The following RYR3 variants were observed in gnomAD, a reference collection of about 807,000 sequenced individuals.
RYR3 encodes brain ryanodine receptor-calcium release channel.
In RYR3, 207 loss-of-function variants were observed where a neutral mutation model predicts 584.3. That is an observed-to-expected ratio of 0.35 (90% confidence interval 0.32 to 0.40). The LOEUF (loss-of-function observed/expected upper bound fraction) is 0.40, where lower values mean the gene tolerates loss of function less well. RYR3 is among the 10% of genes least tolerant of loss of function. The probability of loss-of-function intolerance (pLI) is 1.00; values close to 1 mark genes in which losing one functional copy is unlikely to be tolerated. For missense variants in RYR3, 5,616 were observed against 6,089.2 expected (o/e 0.92, Z 2.59); for synonymous variants, 2,416 against 2,248.5 (o/e 1.07, Z -2.11).
chr15:33,471,594 T>TAAA (rs3084420), intron 1 of RYR3, among the ~76,000 whole-genome samples: 13,782 of 141,928 alleles, frequency 0.097, 1,895 homozygotes, highest in African/African-American at 0.31. Context: ...CATGCCTTTG[T>TAAA]AAAAAAAAAA....
At chr15:33,442,915 T>C (rs16970977) in intron 1 of RYR3, among the ~76,000 whole-genome samples, 36,673 of 152,124 alleles carry the variant, frequency 0.24, 4,578 homozygotes, top group Middle Eastern at 0.33. Context: ...GTCCTGATAA[T>C]GGTGATTTCC....
chr15:33,675,529 G>C (rs528763204), intron 38 of RYR3, among the ~76,000 whole-genome samples: 8 of 152,126 alleles, frequency 5.3e-5, no homozygotes, highest in African/African-American at 1.9e-4. Flanking sequence ...ACAGGGCTCC[G>C]GAGTTAGGCT....
Position 33,773,619 on chromosome 15 carries a change from AT to A in RYR3, c.9137+6del. ...GAAAGAACATTTATGTTGAAAGGTAATTAGTGAACGAAGAGGCTAACACTTT... is the reference window on the plus strand; with the variant it reads ...GAAAGAACATTTATGTTGAAAGGTAATAGTGAACGAAGAGGCTAACACTTT... On this transcript the variant is annotated splice_donor_5th_base_variant and intron_variant, in intron 64 of 103. Coordinates refer to ENST00000634891, the MANE Select transcript of RYR3 (RefSeq NM_001036.6). 1 of 1,580,450 alleles carries A rather than the reference AT, an allele frequency of 6.3e-7. No individual in the cohort carries two copies.
intron 12 of RYR3, among the ~76,000 whole-genome samples, chr15:33,571,006 T>C (rs1279012440): frequency 1.3e-5 from 2 of 152,186 alleles, no homozygotes; most frequent in East Asian, 3.8e-4. Flanking sequence ...GATTATGTCA[T>C]CTGTGAATAA....
intron 1 of RYR3, among the ~76,000 whole-genome samples, chr15:33,312,296 G>A (rs1967438565): frequency 6.6e-6 from 1 of 152,044 alleles, no homozygotes; most frequent in South Asian, 2.1e-4. Context: ...CTCTCCTCCT[G>A]TTGAAGCGCT....
At chr15:33,611,841 T>C (rs1195120776) in intron 18 of RYR3, among the ~76,000 whole-genome samples, 1 of 151,996 alleles carries the variant, frequency 6.6e-6, no homozygotes, top group African/African-American at 2.4e-5. Flanking sequence ...GTATCTTTAG[T>C]AGAGACAGAG....
In RYR3 at chr15:33,712,706, A is replaced by G. The variant is rs1414718158; in HGVS notation, c.6619+5652A>G. ...ATGAGAATATTTCTGAATACTTAGG[A>G]GGAGGAATAGTGGCTCAATCACAAC... On this transcript the variant is annotated intron_variant, in intron 43 of 103. Coordinates refer to ENST00000634891, the MANE Select transcript of RYR3 (RefSeq NM_001036.6). Among the ~76,000 whole-genome samples the G allele has an allele frequency of 2.0e-5, 3 of 152,332 alleles. No homozygotes were observed. In the East Asian group the frequency reaches 5.8e-4, roughly 29 times the overall value.
In RYR3 at chr15:33,705,508, A is replaced by G. The variant is rs922489857; in HGVS notation, c.6484-1411A>G. 3.3e-5 allele frequency among the ~76,000 whole-genome samples: 5 copies of G among 152,230 alleles called. No individual in the cohort carries two copies. The South Asian group carries it at 8.3e-4, about 25-fold the overall frequency. ...GGATTCTCCTCTTCTCTGTGTATAC[A>G]TAAGATATCAAAGGTGAAATTAGAA... On this transcript the variant is annotated intron_variant, in intron 42 of 103. Coordinates refer to ENST00000634891, the MANE Select transcript of RYR3 (RefSeq NM_001036.6).
Position 33,708,069 on chromosome 15 carries a change from G to A in RYR3, c.6619+1015G>A, listed in dbSNP as rs193203784. The stretch of plus-strand genomic sequence containing the variant: ...ATCAACTCTCTCTGCTTCTCTCTGC[G>A]TATTCATCACTGCATCCTTCTTGTT... On this transcript the variant is annotated intron_variant, in intron 43 of 103. Transcript: ENST00000634891. Among the ~76,000 whole-genome samples, 169 of 152,210 alleles carry A rather than the reference G, an allele frequency of 1.1e-3. 1 individual carries two copies. Among genetic ancestry groups the A allele is most frequent in the Middle Eastern group, 0.01 (3 of 294 alleles).
At chr15:33,737,599 A>G (rs906040986) in intron 49 of RYR3, among the ~76,000 whole-genome samples, 1 of 152,206 alleles carries the variant, frequency 6.6e-6, no homozygotes, top group African/African-American at 2.4e-5. Flanking sequence ...AACAGTTTGT[A>G]TGTTCTTAGA....
intron 1 of RYR3, among the ~76,000 whole-genome samples, chr15:33,467,750 A>C (rs1367263522): frequency 6.6e-6 from 1 of 152,158 alleles, no homozygotes; most frequent in East Asian, 1.9e-4. Context: ...CATATGATAT[A>C]CCTTGGATTT....
chr15:33,552,059 T>G (rs1387691444), intron 10 of RYR3, among the ~76,000 whole-genome samples: 1 of 152,214 alleles, frequency 6.6e-6, no homozygotes, highest in African/African-American at 2.4e-5. Flanking sequence ...CCTTTCTCCT[T>G]GACCCACTCG....
chr15:33,596,791 T>C (rs1034537106), intron 16 of RYR3, among the ~76,000 whole-genome samples: 7 of 152,190 alleles, frequency 4.6e-5, no homozygotes, highest in African/African-American at 1.7e-4. Flanking sequence ...CTCTTTGCTA[T>C]AGAACACTAG....
At chr15:33,616,382 AT>A (rs896957277) in intron 19 of RYR3, among the ~76,000 whole-genome samples, 12 of 152,150 alleles carry the variant, frequency 7.9e-5, no homozygotes, top group African/African-American at 2.9e-4. Flanking sequence ...TAGTGGAGGG[AT>A]TTTTTTGGAA....
At chr15:33,473,084 G>A (rs1246178350) in intron 1 of RYR3, among the ~76,000 whole-genome samples, 1 of 152,134 alleles carries the variant, frequency 6.6e-6, no homozygotes, top group African/African-American at 2.4e-5. Context: ...TGGAGAGATT[G>A]TATAAATTTG....
chr15:33,612,682 A>G (rs964864660), intron 18 of RYR3, among the ~76,000 whole-genome samples: 2 of 152,226 alleles, frequency 1.3e-5, no homozygotes, highest in Admixed American at 6.5e-5. Context: ...TTTAATGGCT[A>G]GATGGCCTTG....
At chr15:33,655,531 C>G (rs1015085889) in intron 32 of RYR3, among the ~76,000 whole-genome samples, 2 of 152,210 alleles carry the variant, frequency 1.3e-5, no homozygotes, top group East Asian at 3.8e-4. Flanking sequence ...TTTAGCCCAC[C>G]TTTCACCATC....
intron 2 of RYR3, among the ~76,000 whole-genome samples, chr15:33,487,330 C>T (rs983478967): frequency 6.6e-6 from 1 of 151,914 alleles, no homozygotes; most frequent in Non-Finnish European, 1.5e-5. Context: ...AATGAAAATA[C>T]AGAAGAGGAA....
intron 60 of RYR3, among the ~76,000 whole-genome samples, chr15:33,763,940 AG>A (rs2072760655): frequency 6.7e-6 from 1 of 148,172 alleles, no homozygotes; most frequent in South Asian, 2.1e-4. Context: ...GATGCTGGAG[AG>A]AGGATGTGGA....
Sources: allele counts gnomAD v4.1 joint callset (sites outside exome capture counted in the v4.1 genomes callset), GRCh38; gene constraint gnomAD v4.1.1; transcripts MANE v1.5; gene names NCBI Gene and HGNC (gene_info 2026-07-23, HGNC 2026-07-21).